The following ITPR2 variants were observed in gnomAD, a reference collection of about 807,000 sequenced individuals.
ITPR2 encodes the protein inositol 1,4,5-trisphosphate-gated calcium channel ITPR2.
ITPR2 carries 207 observed loss-of-function variants against 317.1 expected under a neutral mutation model. The observed-to-expected ratio is 0.65, with a 90% CI of 0.58 to 0.73. ITPR2 has a LOEUF of 0.73. Ranked by LOEUF, ITPR2 falls within the 30% of genes least tolerant of loss-of-function variation. The probability of loss-of-function intolerance (pLI) is 0.00; values close to 1 mark genes in which losing one functional copy is unlikely to be tolerated. For missense variants in ITPR2, 2,613 were observed against 3,284.0 expected (o/e 0.80, Z 4.99); for synonymous variants, 1,156 against 1,149.1 (o/e 1.01, Z -0.12).
intron 52 of ITPR2, among the ~76,000 whole-genome samples, chr12:26,410,230 G>A (rs1156709860): frequency 1.3e-5 from 2 of 152,176 alleles, no homozygotes; most frequent in Non-Finnish European, 2.9e-5. Flanking sequence ...AGTCAAGAAT[G>A]AGCTGGTTCT....
At chr12:26,731,482 A>C (rs1949027717) in intron 2 of ITPR2, among the ~76,000 whole-genome samples, 1 of 152,170 alleles carries the variant, frequency 6.6e-6, no homozygotes, top group Non-Finnish European at 1.5e-5. Flanking sequence ...GCAGGCAGAC[A>C]AGGGGCCATT....
At chr12:26,440,586 A>G (rs539713846) in intron 46 of ITPR2, among the ~76,000 whole-genome samples, 18 of 152,312 alleles carry the variant, frequency 1.2e-4, no homozygotes, top group African/African-American at 3.4e-4. Flanking sequence ...GATATATTCA[A>G]TTACATACTA....
intron 13 of ITPR2, among the ~76,000 whole-genome samples, chr12:26,667,350 T>C (rs1947651255): frequency 6.6e-6 from 1 of 152,202 alleles, no homozygotes; most frequent in African/African-American, 2.4e-5. Flanking sequence ...CCCAGAGAAA[T>C]TTCAGTATAC....
chr12:26,592,181 T>C (rs1466109823), intron 32 of ITPR2, among the ~76,000 whole-genome samples: 1 of 152,218 alleles, frequency 6.6e-6, no homozygotes, highest in East Asian at 1.9e-4. Flanking sequence ...TCTCACTTAT[T>C]TGTGGGCACT....
chr12:26,717,930 A>G (rs1948769415), intron 5 of ITPR2, among the ~76,000 whole-genome samples: 1 of 152,240 alleles, frequency 6.6e-6, no homozygotes, highest in South Asian at 2.1e-4. Flanking sequence ...GCTGTTGCAC[A>G]TGACAGCAAG....
In ITPR2 at chr12:26,486,098, A is replaced by T; in HGVS notation, c.5811+6T>A. Reference sequence around the variant, plus strand: ...TCTCAGCTTTCACACAAAACAGAACAAATACCTGCAATTCCCGGTTGTGAT... The same window carrying T: ...TCTCAGCTTTCACACAAAACAGAACTAATACCTGCAATTCCCGGTTGTGAT... On this transcript the variant is annotated splice_donor_region_variant and intron_variant, in intron 41 of 56. Transcript: ENST00000381340. 6.2e-7 allele frequency: 1 copy of T among 1,614,074 alleles called. No individual in the cohort carries two copies. Among genetic ancestry groups the T allele is most frequent in the Non-Finnish European group, 8.5e-7 (1 of 1,179,916 alleles).
chr12:26,808,777 T>A (rs1338116507), intron 1 of ITPR2, among the ~76,000 whole-genome samples: 2 of 152,182 alleles, frequency 1.3e-5, no homozygotes, highest in African/African-American at 4.8e-5. Flanking sequence ...AAGCATAACT[T>A]GGCATCAATA....
chr12:26,606,407 TA>T (rs1466550738), intron 26 of ITPR2, among the ~76,000 whole-genome samples: 4 of 152,220 alleles, frequency 2.6e-5, no homozygotes, highest in Non-Finnish European at 4.4e-5. Context: ...GCTGTATTTT[TA>T]ATTGCATAGT....
chr12:26,716,578 G>C (rs1948743564), intron 5 of ITPR2, among the ~76,000 whole-genome samples: 1 of 152,100 alleles, frequency 6.6e-6, no homozygotes, highest in Admixed American at 6.5e-5. Context: ...AAGCACAACA[G>C]AAAGAGTAAA....
At chr12:26,721,851 G>C (rs1948845627) in intron 5 of ITPR2, among the ~76,000 whole-genome samples, 1 of 152,104 alleles carries the variant, frequency 6.6e-6, no homozygotes, top group Non-Finnish European at 1.5e-5. Context: ...GTGGGCTCAA[G>C]TGATTCTCCT....
At chr12:26,721,787 A>AT (rs1289350376) in intron 5 of ITPR2, among the ~76,000 whole-genome samples, 9 of 150,862 alleles carry the variant, frequency 6.0e-5, no homozygotes, top group Non-Finnish European at 1.0e-4. Flanking sequence ...CATTAAAAAA[A>AT]TTTTTTTTTT....
chr12:26,802,229 G>A lies in ITPR2; in HGVS notation c.93-12002C>T, dbSNP rs146594396. ...AGGGAGGATCAGTTGAGCCTGGGAA[G>A]TGGAGGCTATAAGCAGCTATGATCA... On this transcript the variant is annotated intron_variant, in intron 1 of 56. Transcript: ENST00000381340. Among the ~76,000 whole-genome samples the A allele has an allele frequency of 4.5e-3, 683 of 152,150 alleles. 2 individuals carry two copies. Among genetic ancestry groups the A allele is most frequent in the South Asian group, 0.014 (66 of 4,814 alleles).
intron 45 of ITPR2, among the ~76,000 whole-genome samples, chr12:26,444,399 T>C (rs1405660357): frequency 1.3e-5 from 2 of 152,126 alleles, no homozygotes; most frequent in African/African-American, 4.8e-5. Context: ...ATCAAATATC[T>C]TATTAATGCT....
intron 10 of ITPR2, among the ~76,000 whole-genome samples, chr12:26,688,181 G>T (rs1354200955): frequency 1.3e-5 from 2 of 152,006 alleles, no homozygotes; most frequent in South Asian, 4.2e-4. Flanking sequence ...GACTACAGAC[G>T]TGTGCCACCA....
chr12:26,414,027 C>T (rs1940636651), intron 51 of ITPR2, among the ~76,000 whole-genome samples: 1 of 137,952 alleles, frequency 7.2e-6, no homozygotes, highest in Non-Finnish European at 1.5e-5. Flanking sequence ...TTTTGGGAAG[C>T]AGATAGTCTA....
chr12:26,556,584 GTGTGTGTGTGTT>G (rs1944670585), intron 35 of ITPR2, among the ~76,000 whole-genome samples: 1 of 150,562 alleles, frequency 6.6e-6, no homozygotes, highest in Non-Finnish European at 1.5e-5. Flanking sequence ...GTGTGTGTGT[GTGTGTGTGTGTT>G]TTTGTTTATA....
chr12:26,686,174 A>T (rs1014451696), intron 11 of ITPR2, among the ~76,000 whole-genome samples: 1 of 152,126 alleles, frequency 6.6e-6, no homozygotes, highest in African/African-American at 2.4e-5. Flanking sequence ...AATAAATGAT[A>T]AATATATAAA....
At position 26,777,154 on chromosome 12, in the gene ITPR2, A is replaced by G. The variant is rs117085450; in HGVS notation, c.163+13003T>C. On this transcript the variant is annotated intron_variant, in intron 2 of 56. Coordinates refer to ENST00000381340, the MANE Select transcript of ITPR2 (RefSeq NM_002223.4). ...GTTTATTTACTTGGTTAGCTGAAAT[A>G]TAAGTTAAAAGATGGCCCACTGTGA... is the stretch of plus-strand genomic sequence containing the variant. Among the ~76,000 whole-genome samples the G allele has an allele frequency of 8.6e-4, 131 of 152,346 alleles. No individual in the cohort carries two copies. In the East Asian group the frequency reaches 0.024, roughly 28 times the overall value.
intron 2 of ITPR2, among the ~76,000 whole-genome samples, chr12:26,782,717 G>T (rs182743548): frequency 6.6e-6 from 1 of 152,190 alleles, no homozygotes; most frequent in Non-Finnish European, 1.5e-5. Context: ...TCTACTTCAT[G>T]TGATGACCAA....
Sources: gnomAD v4.1 joint callset for allele counts (sites outside exome capture counted in the v4.1 genomes callset) on GRCh38, gnomAD v4.1.1 for gene constraint, MANE v1.5 for transcripts, NCBI Gene and HGNC (gene_info 2026-07-23, HGNC 2026-07-21) for gene names.